POLD3: variants seen among roughly 807,000 people sequenced by gnomAD.
POLD3 encodes the protein DNA polymerase delta 3, accessory subunit.
In POLD3, 19 loss-of-function variants were observed where a neutral mutation model predicts 58.2. That is an observed-to-expected ratio of 0.33 (90% CI 0.23 to 0.48). POLD3 has a LOEUF of 0.48. POLD3 is among the 20% of genes least tolerant of loss of function. The probability of loss-of-function intolerance (pLI) is 0.99; values close to 1 mark genes in which losing one functional copy is unlikely to be tolerated. For missense variants in POLD3, 504 were observed against 545.5 expected (o/e 0.92, Z 0.76); for synonymous variants, 172 against 193.5 (o/e 0.89, Z 0.92).
chr11:74,667,663 G>A (rs959434020), intron 4 of POLD3, among the ~76,000 whole-genome samples: 1 of 152,150 alleles, frequency 6.6e-6, no homozygotes, highest in African/African-American at 2.4e-5. Context: ...TTAGAAGAAA[G>A]CAGGGGTAAA....
At chr11:74,625,595 T>C (rs1043974156) in intron 8 of POLD3, 22 bp downstream of exon 8, 4 of 1,597,144 alleles carry the variant, frequency 2.5e-6, no homozygotes, top group African/African-American at 1.4e-5. Flanking sequence ...TTGTTGCTTA[T>C]TGGGGAAGAG....
chr11:74,663,006 C>CA (rs1321141944), intron 4 of POLD3, among the ~76,000 whole-genome samples: 1 of 152,232 alleles, frequency 6.6e-6, no homozygotes, highest in Non-Finnish European at 1.5e-5. Context: ...TTCTCTGTAC[C>CA]AAGGGCACTG....
At chr11:74,634,876 G>A (rs1218227908) in intron 10 of POLD3, among the ~76,000 whole-genome samples, 181 bp downstream of exon 10, 2 of 152,188 alleles carry the variant, frequency 1.3e-5, no homozygotes, top group African/African-American at 2.4e-5. Context: ...TTACCTGAAG[G>A]GAGATTTTGC....
At chr11:74,638,455 T>C (rs775170196) in intron 11 of POLD3, among the ~76,000 whole-genome samples, 18 of 152,172 alleles carry the variant, frequency 1.2e-4, no homozygotes, top group Non-Finnish European at 2.2e-4. Flanking sequence ...ATGCTGCCAT[T>C]TGAGTACAGA....
intron 2 of POLD3, among the ~76,000 whole-genome samples, chr11:74,599,838 GAAC>G (rs1474736339): frequency 1.3e-5 from 2 of 152,138 alleles, no homozygotes; most frequent in African/African-American, 4.8e-5. Context: ...TCATCCTGGG[GAAC>G]ATTATGGGTG....
At chr11:74,653,869 G>A (rs1282628727) in intron 4 of POLD3, among the ~76,000 whole-genome samples, 2 of 152,168 alleles carry the variant, frequency 1.3e-5, no homozygotes, top group African/African-American at 2.4e-5. Context: ...TTGTCTCATG[G>A]TTCTGCAGGC....
intron 3 of POLD3, 77 bp from the exon 4 acceptor site, chr11:74,611,422 A>C: frequency 2.4e-6 from 2 of 835,796 alleles, no homozygotes; most frequent in Non-Finnish European, 4.1e-6. Flanking sequence ...ATCCAAGCAC[A>C]ATTGAATTAT....
At chr11:74,599,962 T>C (rs566282923) in intron 2 of POLD3, among the ~76,000 whole-genome samples, 16 of 151,914 alleles carry the variant, frequency 1.1e-4, no homozygotes, top group African/African-American at 3.9e-4. Context: ...TATTATTTTT[T>C]TTTTTTTTGA....
intron 7 of POLD3, 78 bp from the exon 8 acceptor site, chr11:74,625,330 C>A: frequency 8.4e-7 from 1 of 1,184,174 alleles, no homozygotes; most frequent in Non-Finnish European, 1.2e-6. Context: ...TTACCTGGCA[C>A]ATGGTAGACT....
intron 4 of POLD3, among the ~76,000 whole-genome samples, chr11:74,648,342 G>A (rs1484104820): frequency 6.6e-6 from 1 of 152,096 alleles, no homozygotes; most frequent in African/African-American, 2.4e-5. Flanking sequence ...CTGGGGAGAG[G>A]GCCACATTTG....
chr11:74,604,639 C>T, intron 2 of POLD3, 53 bp from the exon 3 acceptor site: 2 of 897,940 alleles, frequency 2.2e-6, no homozygotes, highest in Admixed American at 2.0e-5. Flanking sequence ...AAGAGTTGAT[C>T]ATGTAAAAAC....
At chr11:74,643,501 G>T (rs1319072556), downstream of POLD3, among the ~76,000 whole-genome samples, 1 of 152,138 alleles carries the variant, frequency 6.6e-6, no homozygotes, top group African/African-American at 2.4e-5. Flanking sequence ...CAATGTACAG[G>T]GTCCTCCAAG....
intron 3 of POLD3, among the ~76,000 whole-genome samples, chr11:74,611,101 C>G (rs1343212265): frequency 6.6e-6 from 1 of 152,146 alleles, no homozygotes; most frequent in Non-Finnish European, 1.5e-5. Context: ...AATCTCTAAT[C>G]CATTTAGAAT....
intron 7 of POLD3, among the ~76,000 whole-genome samples, chr11:74,622,963 CAA>C (rs1330406142): frequency 6.6e-6 from 1 of 152,102 alleles, no homozygotes; most frequent in Non-Finnish European, 1.5e-5. Flanking sequence ...AATGGATAAA[CAA>C]AGGTGGTATA....
intron 2 of POLD3, among the ~76,000 whole-genome samples, chr11:74,599,958 T>A (rs1240380316): frequency 1.3e-5 from 1 of 74,432 alleles, no homozygotes; most frequent in Non-Finnish European, 2.7e-5. Flanking sequence ...TTATTATTAT[T>A]TTTTTTTTTT....
At chr11:74,599,893 C>G (rs2031423118) in intron 2 of POLD3, among the ~76,000 whole-genome samples, 1 of 151,816 alleles carries the variant, frequency 6.6e-6, no homozygotes, top group Non-Finnish European at 1.5e-5. Flanking sequence ...AAATGGGAAG[C>G]TATAATTAAT....
chr11:74,618,557 C>A lies in POLD3; in HGVS notation c.413C>A (p.Ala138Glu). The change falls in exon 6 of 12, where the codon GCA becomes GAA. Residue 138 changes from alanine (A) to glutamate (E), a missense_variant. Physicochemically the swap from Ala to Glu is moderately radical, Grantham distance 107. Coordinates refer to ENST00000263681, the MANE Select transcript of POLD3 (RefSeq NM_006591.3). ...NCSKFSAIQCAAAVPRAPAES... is the reference protein window; with the variant it reads ...NCSKFSAIQCEAAVPRAPAES... ...CCCAGATTTAGTGCTATACAATGTGCAGCTGCCGTCCCTAGAGCTCCTGCT... is the reference window on the plus strand; with the variant it reads ...CCCAGATTTAGTGCTATACAATGTGAAGCTGCCGTCCCTAGAGCTCCTGCT... The A allele has an allele frequency of 1.2e-6, 2 of 1,612,644 alleles. No homozygotes were observed. Among genetic ancestry groups the A allele is most frequent in the Non-Finnish European group, 1.7e-6 (2 of 1,178,820 alleles).
At chr11:74,663,367 T>G (rs1465817933) in intron 4 of POLD3, among the ~76,000 whole-genome samples, 1 of 152,272 alleles carries the variant, frequency 6.6e-6, no homozygotes, top group Non-Finnish European at 1.5e-5. Context: ...TTGTAGAAAT[T>G]GGTAAGTTGA....
chr11:74,593,892 G>C (rs2031126583), intron 1 of POLD3, among the ~76,000 whole-genome samples, 169 bp from the exon 2 acceptor site: 1 of 152,152 alleles, frequency 6.6e-6, no homozygotes, highest in Non-Finnish European at 1.5e-5. Context: ...AAGATAAATA[G>C]GTCCTGCCTA....
Sources: gnomAD v4.1 joint callset for allele counts (sites outside exome capture counted in the v4.1 genomes callset) on GRCh38, gnomAD v4.1.1 for gene constraint, MANE v1.5 for transcripts, NCBI Gene and HGNC (gene_info 2026-07-23, HGNC 2026-07-21) for gene names.